The following SLC39A11 variants were observed in gnomAD, a reference collection of about 807,000 sequenced individuals.
SLC39A11 encodes the protein solute carrier family 39 member 11.
In SLC39A11, 33 loss-of-function variants were observed where a neutral mutation model predicts 36.1. That is an observed-to-expected ratio of 0.91 (90% CI 0.69 to 1.22). SLC39A11 has a LOEUF of 1.22. Among genes scored for constraint, SLC39A11 ranks in the 50% most tolerant of loss-of-function variants. The pLI, the probability that SLC39A11 is intolerant of heterozygous loss-of-function variation, is 0.00. For synonymous variants in SLC39A11, 166 were observed against 170.3 expected, an observed-to-expected ratio of 0.97 and a Z score of 0.20; for missense variants, 432 against 430.3, an observed-to-expected ratio of 1.00 and a Z score of -0.03.
chr17:72,691,158 G>C (rs935242725), intron 7 of SLC39A11, among the ~76,000 whole-genome samples: 8 of 152,180 alleles, frequency 5.3e-5, no homozygotes, highest in African/African-American at 1.9e-4. Context: ...CTCTGGAGGT[G>C]AGGCCTACTG....
intron 5 of SLC39A11, among the ~76,000 whole-genome samples, chr17:72,862,294 C>G (rs2080081369): frequency 6.6e-6 from 1 of 152,112 alleles, no homozygotes; most frequent in Non-Finnish European, 1.5e-5. Context: ...AAAGGCTGAC[C>G]TGAGGTTGCG....
intron 5 of SLC39A11, among the ~76,000 whole-genome samples, chr17:72,899,782 C>T (rs929557436): frequency 2.6e-5 from 4 of 151,888 alleles, no homozygotes; most frequent in Non-Finnish European, 4.4e-5. Flanking sequence ...GCCAAAATGG[C>T]GAAACCCCGT....
rs142774891 is a variant in SLC39A11, at chr17:72,953,943, G to A, written c.307-6068C>T. On this transcript the variant is annotated intron_variant, in intron 4 of 9. Coordinates refer to ENST00000255559, the MANE Select transcript of SLC39A11 (RefSeq NM_139177.4). Reference sequence around the variant, plus strand: ...CCTTCTATCGCACGGATTCAGGACGGGGGAGCTCTGTTCATTTTGTTCTGA... The same window carrying A: ...CCTTCTATCGCACGGATTCAGGACGAGGGAGCTCTGTTCATTTTGTTCTGA... 5.9e-3 allele frequency among the ~76,000 whole-genome samples: 902 copies of A among 152,332 alleles called. 7 individuals carry two copies. The highest frequency in any genetic ancestry group is 0.02 in the African/African-American group (820 of 41,574).
intron 6 of SLC39A11, among the ~76,000 whole-genome samples, chr17:72,846,509 T>C (rs1342321931): frequency 1.3e-5 from 2 of 152,254 alleles, no homozygotes; most frequent in Non-Finnish European, 2.9e-5. Context: ...TCCTCCTGTT[T>C]CTGGCTTTAT....
chr17:72,772,838 C>T (rs563448102), intron 6 of SLC39A11, among the ~76,000 whole-genome samples: 4 of 152,178 alleles, frequency 2.6e-5, no homozygotes, highest in Non-Finnish European at 5.9e-5. Context: ...AATCCCAGCA[C>T]TTTGGGAGGC....
intron 5 of SLC39A11, among the ~76,000 whole-genome samples, chr17:72,857,634 C>G (rs934412534): frequency 1.3e-5 from 2 of 152,218 alleles, no homozygotes; most frequent in Non-Finnish European, 2.9e-5. Flanking sequence ...TCTCTGCAAC[C>G]TCATCAGCAT....
At chr17:73,008,658 A>G (rs1264539403) in intron 4 of SLC39A11, among the ~76,000 whole-genome samples, 1 of 152,232 alleles carries the variant, frequency 6.6e-6, no homozygotes, top group East Asian at 1.9e-4. Context: ...CACTATTCAC[A>G]GTAGCCAAAA....
At chr17:72,778,695 T>C (rs1375691950) in intron 6 of SLC39A11, among the ~76,000 whole-genome samples, 1 of 152,244 alleles carries the variant, frequency 6.6e-6, no homozygotes, top group Non-Finnish European at 1.5e-5. Context: ...GGATGACATA[T>C]GGTCATTGAT....
chr17:72,961,526 G>A (rs2086608601), intron 4 of SLC39A11, among the ~76,000 whole-genome samples: 1 of 152,142 alleles, frequency 6.6e-6, no homozygotes, highest in South Asian at 2.1e-4. Context: ...AAAAAAATGT[G>A]GCACATATAC....
intron 4 of SLC39A11, among the ~76,000 whole-genome samples, chr17:73,002,690 C>A (rs773510766): frequency 2.6e-5 from 4 of 152,206 alleles, no homozygotes; most frequent in Non-Finnish European, 5.9e-5. Context: ...GCTGCTATAA[C>A]AAGTTATCAC....
chr17:72,890,723 G>A (rs1290971326), intron 5 of SLC39A11, among the ~76,000 whole-genome samples: 2 of 152,166 alleles, frequency 1.3e-5, no homozygotes, highest in African/African-American at 2.4e-5. Context: ...CAATTTGGGA[G>A]CCTGAGCCCC....
intron 4 of SLC39A11, among the ~76,000 whole-genome samples, chr17:72,999,161 A>G (rs752255620): frequency 1.3e-5 from 2 of 152,220 alleles, no homozygotes; most frequent in Non-Finnish European, 2.9e-5. Flanking sequence ...CTCAAAATAC[A>G]TCCCGTTAGA....
chr17:72,918,268 G>C (rs527250475), intron 5 of SLC39A11, among the ~76,000 whole-genome samples: 2 of 152,356 alleles, frequency 1.3e-5, no homozygotes, highest in African/African-American at 4.8e-5. Flanking sequence ...AATTAGCCAG[G>C]AGTGGTGGCA....
intron 5 of SLC39A11, among the ~76,000 whole-genome samples, chr17:72,875,116 A>G (rs2080828469): frequency 6.6e-6 from 1 of 152,228 alleles, no homozygotes; most frequent in African/African-American, 2.4e-5. Context: ...TTTGGGAAGA[A>G]AAAACTGGTG....
chr17:72,736,503 C>G, intron 7 of SLC39A11, 147 bp downstream of exon 7: 1 of 664,982 alleles, frequency 1.5e-6, no homozygotes, highest in Non-Finnish European at 2.7e-6. Context: ...TGGCCTTCAC[C>G]GGACCCCATG....
At chr17:72,729,448 TATATATA>T (rs1277183419) in intron 7 of SLC39A11, among the ~76,000 whole-genome samples, 6 of 9,436 alleles carry the variant, frequency 6.4e-4, no homozygotes, top group East Asian at 5.7e-3. Context: ...TATATATATA[TATATATA>T]TATTTTTTTT....
At chr17:72,729,936 T>G (rs1337852598) in intron 7 of SLC39A11, among the ~76,000 whole-genome samples, 3 of 152,116 alleles carry the variant, frequency 2.0e-5, no homozygotes, top group Non-Finnish European at 4.4e-5. Flanking sequence ...TGGGTATCTT[T>G]TCTGCTATTG....
chr17:73,086,889 C>T (rs1383782544), intron 2 of SLC39A11, among the ~76,000 whole-genome samples: 1 of 151,824 alleles, frequency 6.6e-6, no homozygotes, highest in Non-Finnish European at 1.5e-5. Flanking sequence ...CCCGTCTCTA[C>T]TAAAACTACA....
At chr17:72,807,648 C>T (rs1012407686) in intron 6 of SLC39A11, among the ~76,000 whole-genome samples, 154 of 152,288 alleles carry the variant, frequency 1.0e-3, no homozygotes, top group African/African-American at 3.5e-3. Flanking sequence ...GGTGAACACA[C>T]GGAGGTGCTT....
Sources: gnomAD v4.1 joint callset for allele counts (sites outside exome capture counted in the v4.1 genomes callset) on GRCh38, gnomAD v4.1.1 for gene constraint, MANE v1.5 for transcripts, NCBI Gene and HGNC (gene_info 2026-07-23, HGNC 2026-07-21) for gene names.